The following BTAF1 variants were observed in gnomAD, a reference collection of about 807,000 sequenced individuals.
BTAF1 encodes the protein TATA-binding protein-associated factor 172.
Under a neutral mutation model 227.1 loss-of-function variants are expected in BTAF1, and 38 were observed. The ratio of observed to expected loss-of-function variants is 0.17; its 90% CI spans 0.13 to 0.22. The LOEUF is 0.22. Ranked by LOEUF, BTAF1 falls within the 10% of genes least tolerant of loss-of-function variation. BTAF1 has a pLI of 1.00. For missense variants in BTAF1, 1,598 were observed against 2,204.0 expected (o/e 0.73, Z 5.51); for synonymous variants, 742 against 751.9 (o/e 0.99, Z 0.21).
intron 21 of BTAF1, among the ~76,000 whole-genome samples, chr10:91,993,493 C>A (rs574334469): frequency 6.6e-6 from 1 of 152,256 alleles, no homozygotes; most frequent in East Asian, 1.9e-4. Flanking sequence ...TCACAAAAAT[C>A]TAGTTAGGTG....
At chr10:91,929,535 C>T (rs1338279199) in intron 1 of BTAF1, among the ~76,000 whole-genome samples, 2 of 152,180 alleles carry the variant, frequency 1.3e-5, no homozygotes, top group Non-Finnish European at 2.9e-5. Flanking sequence ...TCTCTTTGCA[C>T]TGTTGATACT....
chr10:91,943,928 T>C (rs1462121570), intron 4 of BTAF1, among the ~76,000 whole-genome samples: 1 of 152,088 alleles, frequency 6.6e-6, no homozygotes, highest in Non-Finnish European at 1.5e-5. Context: ...AGACGGGCAG[T>C]TCACCTGAGA....
intron 8 of BTAF1, among the ~76,000 whole-genome samples, chr10:91,958,071 T>C (rs1846220623): frequency 6.6e-6 from 1 of 152,052 alleles, no homozygotes. Flanking sequence ...TTTTTTGAGA[T>C]GGAGTCTCAC....
At chr10:92,012,695 C>T (rs1406407053) in intron 30 of BTAF1, among the ~76,000 whole-genome samples, 2 of 141,304 alleles carry the variant, frequency 1.4e-5, no homozygotes, top group South Asian at 2.3e-4. Context: ...CACTTGAACC[C>T]GTGAGGTGGA....
chr10:91,976,116 G>A (rs573216464), intron 14 of BTAF1, among the ~76,000 whole-genome samples: 31 of 152,176 alleles, frequency 2.0e-4, no homozygotes, highest in Non-Finnish European at 3.8e-4. Flanking sequence ...TAACTTGTTA[G>A]AATGCTTCAC....
chr10:92,012,770 CAAAA>C (rs202198347), intron 30 of BTAF1, among the ~76,000 whole-genome samples: 11 of 92,618 alleles, frequency 1.2e-4, no homozygotes, highest in African/African-American at 1.5e-4. Context: ...GACTCTGTCT[CAAAA>C]AAAAAAAAAA....
chr10:92,018,796 T>TACGTAAACTGTGCAACC lies in BTAF1; in HGVS notation c.4726_4742dup (p.Pro1582ValfsTer9). On this transcript the variant is annotated frameshift_variant, in exon 34 of 38. Transcript: ENST00000265990. LOFTEE classifies it high-confidence loss of function. The stretch of plus-strand genomic sequence containing the variant: ...TTCCTCTTGAAGGCATTACAGTACT[T>TACGTAAACTGTGCAACC]ACGTAAACTGTGCAACCATCCAGCA... 1 of 1,578,730 alleles carries TACGTAAACTGTGCAACC rather than the reference T, an allele frequency of 6.3e-7. No individual in the cohort carries two copies. Among genetic ancestry groups the TACGTAAACTGTGCAACC allele is most frequent in the Non-Finnish European group, 8.6e-7 (1 of 1,167,134 alleles).
intron 25 of BTAF1, among the ~76,000 whole-genome samples, chr10:91,999,369 C>T (rs1273218700): frequency 6.6e-6 from 1 of 151,986 alleles, no homozygotes; most frequent in Non-Finnish European, 1.5e-5. Context: ...CCTACATGTA[C>T]ACCTAGAGAA....
At chr10:91,999,160 C>T (rs1849335198) in intron 25 of BTAF1, among the ~76,000 whole-genome samples, 1 of 151,556 alleles carries the variant, frequency 6.6e-6, no homozygotes. Flanking sequence ...TGAGTAAATA[C>T]TTAAGAATGA....
chr10:92,019,488 C>T (rs1304838263), intron 34 of BTAF1, among the ~76,000 whole-genome samples: 1 of 152,146 alleles, frequency 6.6e-6, no homozygotes, highest in Admixed American at 6.5e-5. Context: ...AAGTATCTAT[C>T]TGAGTTACTC....
chr10:91,975,882 G>A (rs1057138913), intron 14 of BTAF1, among the ~76,000 whole-genome samples: 6 of 152,170 alleles, frequency 3.9e-5, no homozygotes, highest in African/African-American at 7.2e-5. Flanking sequence ...GACACCAAAC[G>A]TGTGGGTTTT....
At chr10:91,925,597 C>T (rs1402890632) in intron 1 of BTAF1, among the ~76,000 whole-genome samples, 1 of 145,862 alleles carries the variant, frequency 6.9e-6, no homozygotes, top group African/African-American at 2.5e-5. Context: ...CTGCAAGCTC[C>T]GCATCCCGGG....
intron 11 of BTAF1, among the ~76,000 whole-genome samples, chr10:91,961,158 A>G (rs1055050710): frequency 6.6e-6 from 1 of 152,202 alleles, no homozygotes; most frequent in Non-Finnish European, 1.5e-5. Context: ...AAGAGTGAGT[A>G]TTGACGAAAA....
chr10:91,931,979 G>A (rs1343484288), intron 1 of BTAF1, among the ~76,000 whole-genome samples: 3 of 152,198 alleles, frequency 2.0e-5, no homozygotes, highest in Non-Finnish European at 4.4e-5. Context: ...GGCTTGGAAT[G>A]GATGAGAGAA....
intron 34 of BTAF1, among the ~76,000 whole-genome samples, chr10:92,019,938 T>G (rs1299286379): frequency 6.7e-6 from 1 of 149,848 alleles, no homozygotes; most frequent in Non-Finnish European, 1.5e-5. Flanking sequence ...CCCAGGCTGG[T>G]CTTGAACTCC....
chr10:91,987,459 G>C (rs1848483306), intron 19 of BTAF1, among the ~76,000 whole-genome samples: 1 of 151,970 alleles, frequency 6.6e-6, no homozygotes, highest in Non-Finnish European at 1.5e-5. Context: ...CTCCAGCCTG[G>C]GTGACAGAGT....
chr10:91,948,645 G>A (rs1415501303), intron 4 of BTAF1, among the ~76,000 whole-genome samples: 3 of 150,162 alleles, frequency 2.0e-5, no homozygotes, highest in African/African-American at 7.4e-5. Context: ...GCCTCCCAAA[G>A]TGCTGGGATT....
At chr10:91,994,511 A>G in intron 22 of BTAF1, 24 bp from the exon 23 acceptor site, 1 of 1,540,972 alleles carries the variant, frequency 6.5e-7, no homozygotes, top group Non-Finnish European at 8.9e-7. Flanking sequence ...TTTGCCAGAT[A>G]ATACAGACAA....
intron 20 of BTAF1, among the ~76,000 whole-genome samples, chr10:91,991,123 G>A (rs1039490314): frequency 6.7e-6 from 1 of 150,108 alleles, no homozygotes; most frequent in East Asian, 2.0e-4. Context: ...GCAGGCACCT[G>A]TAGTCCCAGC....
Sources: gnomAD v4.1 joint callset for allele counts (sites outside exome capture counted in the v4.1 genomes callset) on GRCh38, gnomAD v4.1.1 for gene constraint, MANE v1.5 for transcripts, NCBI Gene and HGNC (gene_info 2026-07-23, HGNC 2026-07-21) for gene names.